The following CNPY1 variants were observed in gnomAD, a reference collection of about 807,000 sequenced individuals.
CNPY1 encodes the protein protein canopy homolog 1.
Under a neutral mutation model 14.4 loss-of-function variants are expected in CNPY1, and 14 were observed. The observed-to-expected ratio is 0.97, with a 90% confidence interval of 0.64 to 1.52. The LOEUF is 1.52. CNPY1 is among the 40% of genes most tolerant of loss of function. CNPY1 has a pLI of 0.00. For missense variants in CNPY1, 129 were observed against 131.5 expected (o/e 0.98, Z 0.09); for synonymous variants, 43 against 46.5 (o/e 0.92, Z 0.31).
intron 2 of CNPY1, among the ~76,000 whole-genome samples, chr7:155,521,079 C>CAAGGAAGG (rs1383173730): frequency 5.5e-5 from 5 of 90,666 alleles, no homozygotes; most frequent in African/African-American, 1.3e-4. Flanking sequence ...AGGAAGGAAG[C>CAAGGAAGG]AAGGAAGGAA....
chr7:155,531,299 C>T (rs544089609), intron 2 of CNPY1, among the ~76,000 whole-genome samples: 120 of 152,322 alleles, frequency 7.9e-4, no homozygotes, highest in Middle Eastern at 6.8e-3. Context: ...TGGGCTCACA[C>T]TATGCCAAAA....
At chr7:155,532,698 G>T (rs990266343) in intron 2 of CNPY1, among the ~76,000 whole-genome samples, 1 of 66,448 alleles carries the variant, frequency 1.5e-5, no homozygotes, top group African/African-American at 1.6e-4. Context: ...ATAGGTTGCT[G>T]AGAATTTTTT....
intron 2 of CNPY1, among the ~76,000 whole-genome samples, chr7:155,517,542 C>T (rs1796644371): frequency 6.6e-6 from 1 of 152,182 alleles, no homozygotes; most frequent in Non-Finnish European, 1.5e-5. Context: ...GTGACTCCAC[C>T]TCCAGGAAGC....
chr7:155,523,264 C>T (rs566363256), intron 2 of CNPY1, among the ~76,000 whole-genome samples: 81 of 152,136 alleles, frequency 5.3e-4, no homozygotes, highest in Non-Finnish European at 9.4e-4. Flanking sequence ...TCTGAACCCG[C>T]CTGGATGAGA....
chr7:155,508,978 G>A lies in CNPY1; in HGVS notation c.219C>T (p.Phe73=), dbSNP rs757342232. 6.3e-5 allele frequency: 101 copies of A among 1,613,514 alleles called. No individual in the cohort carries two copies. The highest frequency in any genetic ancestry group is 2.0e-4 in the Admixed American group (12 of 59,974). ...PVTKERTFKR[F]APRKGDKIYQ... ...ATATTTTGTCTCCTTTCCTAGGAGC[G>A]AATCTCTTGAAAGTTCTCTCCTTCG... The change falls in exon 3 of 5, where the codon TTC becomes TTT. Residue 73 remains phenylalanine, a synonymous_variant. Transcript: ENST00000636446.
intron 2 of CNPY1, among the ~76,000 whole-genome samples, chr7:155,541,803 G>A (rs1241067415): frequency 2.6e-5 from 4 of 152,160 alleles, no homozygotes; most frequent in African/African-American, 7.2e-5. Flanking sequence ...TTCCAGCCTC[G>A]CACCAGCCTC....
intron 2 of CNPY1, among the ~76,000 whole-genome samples, chr7:155,521,591 C>T (rs1458125712): frequency 1.3e-5 from 2 of 152,206 alleles, no homozygotes; most frequent in Non-Finnish European, 2.9e-5. Context: ...AGTCCCTGGG[C>T]CGCCGCCTTG....
At chr7:155,521,079 CAAGGAAGGAAGG>C (rs1383173730) in intron 2 of CNPY1, among the ~76,000 whole-genome samples, 1 of 90,668 alleles carries the variant, frequency 1.1e-5, no homozygotes, top group Non-Finnish European at 2.4e-5. Context: ...AGGAAGGAAG[CAAGGAAGGAAGG>C]AAGGAAGGAA....
intron 2 of CNPY1, among the ~76,000 whole-genome samples, chr7:155,535,746 A>T (rs1030374405): frequency 6.6e-6 from 1 of 151,770 alleles, no homozygotes; most frequent in African/African-American, 2.4e-5. Context: ...CACTTCCAAG[A>T]CTCATTTGCA....
intron 2 of CNPY1, among the ~76,000 whole-genome samples, chr7:155,537,724 C>T (rs574260566): frequency 3.9e-5 from 6 of 152,206 alleles, no homozygotes; most frequent in Admixed American, 3.9e-4. Context: ...TGCGTCCAGC[C>T]TCTGTTGAAT....
chr7:155,537,212 G>C (rs1219165677), intron 2 of CNPY1, among the ~76,000 whole-genome samples: 1 of 152,088 alleles, frequency 6.6e-6, no homozygotes, highest in Non-Finnish European at 1.5e-5. Context: ...AAAGAAGAGA[G>C]AGTAGCAGCA....
At chr7:155,505,180 A>T (rs1051798652) in intron 4 of CNPY1, among the ~76,000 whole-genome samples, 5 of 152,140 alleles carry the variant, frequency 3.3e-5, no homozygotes. Flanking sequence ...GGTTTAGAAC[A>T]CCCATAAATA....
At chr7:155,535,335 G>C (rs1797010735) in intron 2 of CNPY1, among the ~76,000 whole-genome samples, 1 of 152,200 alleles carries the variant, frequency 6.6e-6, no homozygotes, top group South Asian at 2.1e-4. Flanking sequence ...AGCTTCAGGG[G>C]AGAGCCTTCT....
intron 2 of CNPY1, among the ~76,000 whole-genome samples, chr7:155,534,384 T>C (rs1005466699): frequency 6.6e-6 from 1 of 151,884 alleles, no homozygotes; most frequent in African/African-American, 2.4e-5. Flanking sequence ...CACGCATGCA[T>C]AGACACACAT....
At chr7:155,544,585 C>T (rs1563099370) in intron 2 of CNPY1, among the ~76,000 whole-genome samples, 1 of 152,224 alleles carries the variant, frequency 6.6e-6, no homozygotes, top group South Asian at 2.1e-4. Flanking sequence ...CTCACATCTT[C>T]CCTGGCCCTG....
intron 4 of CNPY1, among the ~76,000 whole-genome samples, chr7:155,504,793 T>C (rs1164608178): frequency 6.6e-6 from 1 of 151,952 alleles, no homozygotes; most frequent in African/African-American, 2.4e-5. Context: ...TTGGGCAAGA[T>C]CACAAGGAAA....
chr7:155,526,934 G>A (rs1263106696), intron 2 of CNPY1, among the ~76,000 whole-genome samples: 1 of 152,160 alleles, frequency 6.6e-6, no homozygotes, highest in African/African-American at 2.4e-5. Context: ...TCACTGTGTG[G>A]TGGCAAAACA....
Position 155,502,019 on chromosome 7 carries a change from A to G in CNPY1, c.*1049T>C, listed in dbSNP as rs1796132681. ...CGGGGGGGTTGGGGGGGGGATTTGT[A>G]GCATCCTACCCACTTGATTGTCACC... On this transcript the variant is annotated 3_prime_UTR_variant, in exon 5 of 5. Transcript: ENST00000636446. The G allele has an allele frequency of 6.6e-6, 1 of 150,914 alleles. No homozygotes were observed. The highest frequency in any genetic ancestry group is 1.9e-4 in the East Asian group (1 of 5,152). 9.3% of individuals were successfully genotyped at this position (150,914 alleles called of 1,614,324 possible). A position where few individuals can be genotyped will look rare whatever the true frequency, so the allele number is the denominator to read the frequency against.
chr7:155,510,616 T>C (rs1796508626), intron 2 of CNPY1: 1 of 152,156 alleles, frequency 6.6e-6, no homozygotes. Flanking sequence ...ATCTAATCAC[T>C]CAAATACCAC....
Sources: allele counts gnomAD v4.1 joint callset (sites outside exome capture counted in the v4.1 genomes callset), GRCh38; gene constraint gnomAD v4.1.1; transcripts MANE v1.5; gene names NCBI Gene and HGNC (gene_info 2026-07-23, HGNC 2026-07-21).